Variants in MAPK4 observed in about 807,000 individuals in gnomAD.
MAPK4 encodes the protein Erk3-related.
A neutral mutation model predicts 47.7 loss-of-function variants in MAPK4; 22 were observed. The ratio of observed to expected loss-of-function variants is 0.46; its 90% CI spans 0.33 to 0.66. The LOEUF (loss-of-function observed/expected upper bound fraction) is 0.66. MAPK4 is among the 30% of genes least tolerant of loss of function. The pLI, the probability that MAPK4 is intolerant of heterozygous loss-of-function variation, is 0.02. For synonymous variants in MAPK4, 390 were observed against 365.7 expected (o/e 1.07, Z -0.76); for missense variants, 736 against 831.7 (o/e 0.88, Z 1.42).
At chr18:50,593,285 ACAT>A (rs1438887315) in intron 1 of MAPK4, among the ~76,000 whole-genome samples, 2 of 152,214 alleles carry the variant, frequency 1.3e-5, no homozygotes, top group African/African-American at 4.8e-5. Flanking sequence ...ATTGTCAGAC[ACAT>A]CATTGTGTCT....
Position 50,729,405 on chromosome 18 carries a change from G to A in MAPK4, c.1315G>A (p.Asp439Asn). Residue 439 changes from aspartate (D) to asparagine (N), a missense_variant, in exon 6 of 6, where the codon GAC becomes AAC. Transcript: ENST00000400384. ...CAAGGTGGGGTCGCCGTCCTACCTG[G>A]ACAAGCTGCTGTGGCGCGACAACAA... is the stretch of plus-strand genomic sequence containing the variant. ...DYKVGSPSYL[D>N]KLLWRDNKPH... 8 of 1,559,550 alleles carry A rather than the reference G, an allele frequency of 5.1e-6. No individual in the cohort carries two copies. The highest frequency in any genetic ancestry group is 6.1e-6 in the Non-Finnish European group (7 of 1,154,718).
At chr18:50,727,844 G>A (rs765458501) in intron 5 of MAPK4, among the ~76,000 whole-genome samples, 5 of 152,306 alleles carry the variant, frequency 3.3e-5, no homozygotes, top group Middle Eastern at 3.4e-3. Context: ...ACTGTAAAGC[G>A]GGGGTGATAA....
intron 4 of MAPK4, among the ~76,000 whole-genome samples, chr18:50,724,091 A>C (rs1911072112): frequency 6.6e-6 from 1 of 152,028 alleles, no homozygotes; most frequent in African/African-American, 2.4e-5. Context: ...GGCTCACTAT[A>C]ACCTCAGCCT....
At chr18:50,609,013 A>G (rs2042607460) in intron 1 of MAPK4, among the ~76,000 whole-genome samples, 1 of 152,096 alleles carries the variant, frequency 6.6e-6, no homozygotes, top group African/African-American at 2.4e-5. Context: ...GACACAGCAC[A>G]TGTTTCAGAG....
chr18:50,580,778 T>C (rs1388332985), intron 1 of MAPK4, among the ~76,000 whole-genome samples: 1 of 152,210 alleles, frequency 6.6e-6, no homozygotes, highest in African/African-American at 2.4e-5. Context: ...ATGTCAATTG[T>C]GTGAGTCTCG....
intron 1 of MAPK4, among the ~76,000 whole-genome samples, chr18:50,634,088 T>A (rs1470671884): frequency 6.6e-6 from 1 of 152,154 alleles, no homozygotes; most frequent in Non-Finnish European, 1.5e-5. Flanking sequence ...GAAACCTTTT[T>A]ATAACTCTCA....
intron 3 of MAPK4, among the ~76,000 whole-genome samples, chr18:50,717,717 A>G (rs866164932): frequency 6.6e-6 from 1 of 152,254 alleles, no homozygotes; most frequent in Middle Eastern, 3.4e-3. Flanking sequence ...GCTAATCAAG[A>G]TTCCCTGTGG....
chr18:50,591,177 T>C (rs1273390861), intron 1 of MAPK4, among the ~76,000 whole-genome samples: 1 of 152,220 alleles, frequency 6.6e-6, no homozygotes, highest in East Asian at 1.9e-4. Flanking sequence ...ATCACTAATA[T>C]TGTCTCTAAC....
At chr18:50,586,772 G>GA (rs2042392798) in intron 1 of MAPK4, among the ~76,000 whole-genome samples, 1 of 152,078 alleles carries the variant, frequency 6.6e-6, no homozygotes, top group South Asian at 2.1e-4. Flanking sequence ...TCCAGGGCAA[G>GA]ACCTCAAAAT....
chr18:50,644,857 A>G (rs1256962953), intron 1 of MAPK4, among the ~76,000 whole-genome samples: 1 of 152,196 alleles, frequency 6.6e-6, no homozygotes, highest in Non-Finnish European at 1.5e-5. Flanking sequence ...AGGCCGATAG[A>G]TGTTTTTTCA....
At chr18:50,726,871 G>GCCATTAACGGGGGCTACATTATTATTGC in intron 5 of MAPK4, among the ~76,000 whole-genome samples, 1 of 148,902 alleles carries the variant, frequency 6.7e-6, no homozygotes, top group Non-Finnish European at 1.5e-5. Flanking sequence ...AAAAAAAAAT[G>GCCATTAACGGGGGCTACATTATTATTGC]CCATTAACGG....
In MAPK4 at chr18:50,729,723, C is replaced by G; in HGVS notation, c.1633C>G (p.Arg545Gly). The stretch of plus-strand genomic sequence containing the variant: ...GTTCGACCTGGACGTGTTCATCTCC[C>G]GCGCCCTGAAGCTCTGCACCAAGCC... ...PQFDLDVFIS[R>G]ALKLCTKPED... Residue 545 changes from arginine to glycine, a missense_variant, in exon 6 of 6, where the codon CGC (arginine) becomes GGC (glycine). This residue lies in a region of MAPK4 where 377 missense variants were observed against 378.6 expected (regional missense o/e 1.00). Coordinates refer to ENST00000400384, the MANE Select transcript of MAPK4 (RefSeq NM_002747.4). The G allele has an allele frequency of 1.9e-6, 3 of 1,587,078 alleles. No homozygotes were observed. The highest frequency in any genetic ancestry group is 2.6e-6 in the Non-Finnish European group (3 of 1,168,216).
intron 1 of MAPK4, among the ~76,000 whole-genome samples, chr18:50,605,659 G>A (rs1013256969): frequency 1.3e-5 from 2 of 152,188 alleles, no homozygotes; most frequent in African/African-American, 2.4e-5. Flanking sequence ...TCTCAGAGGG[G>A]CAGTTGAGCT....
chr18:50,582,406 C>T (rs2042353471), intron 1 of MAPK4, among the ~76,000 whole-genome samples: 1 of 152,182 alleles, frequency 6.6e-6, no homozygotes. Context: ...AATGAGCTCC[C>T]TGATGTTAGA....
chr18:50,569,593 C>A (rs1163590736), intron 1 of MAPK4, among the ~76,000 whole-genome samples: 2 of 152,140 alleles, frequency 1.3e-5, no homozygotes, highest in African/African-American at 4.8e-5. Flanking sequence ...TTCTTAGTTT[C>A]CATTTCTGGT....
chr18:50,599,446 A>T (rs2042515029), intron 1 of MAPK4, among the ~76,000 whole-genome samples: 1 of 152,150 alleles, frequency 6.6e-6, no homozygotes, highest in Non-Finnish European at 1.5e-5. Context: ...TTTGAGACGG[A>T]GTCCCGCTGT....
At chr18:50,706,170 T>G (rs1910041513) in intron 2 of MAPK4, 1 of 152,230 alleles carries the variant, frequency 6.6e-6, no homozygotes, top group Admixed American at 6.5e-5. Context: ...TTTTACTTCC[T>G]GTGGTTCAGC....
At chr18:50,670,982 C>T (rs1490942740) in intron 2 of MAPK4, among the ~76,000 whole-genome samples, 1 of 152,184 alleles carries the variant, frequency 6.6e-6, no homozygotes, top group Non-Finnish European at 1.5e-5. Context: ...CATGGGATTG[C>T]TTATCTCAGG....
chr18:50,627,557 T>G (rs2042789684), intron 1 of MAPK4, among the ~76,000 whole-genome samples: 1 of 152,222 alleles, frequency 6.6e-6, no homozygotes, highest in African/African-American at 2.4e-5. Context: ...GCCACTGTGT[T>G]GTCTTCAAAC....
Sources: allele counts gnomAD v4.1 joint callset (sites outside exome capture counted in the v4.1 genomes callset), GRCh38; gene constraint gnomAD v4.1.1; regional missense constraint gnomAD v4.1.1; transcripts MANE v1.5; gene names NCBI Gene and HGNC (gene_info 2026-07-23, HGNC 2026-07-21).